The following NCKAP5 variants were observed in gnomAD, a reference collection of about 807,000 sequenced individuals.
NCKAP5 encodes NCK associated protein 5.
Under a neutral mutation model 167.0 loss-of-function variants are expected in NCKAP5, and 92 were observed. That is an observed-to-expected ratio of 0.55 (90% CI 0.47 to 0.66). The LOEUF is 0.66. NCKAP5 is among the 30% of genes least tolerant of loss of function. The probability of loss-of-function intolerance (pLI) is 0.00; values close to 1 mark genes in which losing one functional copy is unlikely to be tolerated. For synonymous variants in NCKAP5, 891 were observed against 877.4 expected (o/e 1.02, Z -0.27); for missense variants, 2,378 against 2,315.0 (o/e 1.03, Z -0.56).
chr2:133,671,571 T>A, the NCKAP5 span, among the ~76,000 whole-genome samples: 2 of 152,112 alleles, frequency 1.3e-5, no homozygotes, highest in Non-Finnish European at 2.9e-5. Flanking sequence ...GGCCCCTCAC[T>A]GTGTGATGCT....
intron 12 of NCKAP5, among the ~76,000 whole-genome samples, chr2:132,791,160 C>T (rs915642300): frequency 6.6e-5 from 10 of 152,202 alleles, no homozygotes; most frequent in Non-Finnish European, 1.0e-4. Context: ...CTACACTTTC[C>T]TCTGGTTCTG....
rs553086329 is a variant in NCKAP5 at position 133,139,243 on chromosome 2, T to A, written c.208-9132A>T. ...GGTCCCTTCCAACTCTCACATTCTA[T>A]ACAGCAATGAAATTAGCCACAACCA... On this transcript the variant is annotated intron_variant, in intron 5 of 19. Coordinates refer to ENST00000409261, the MANE Select transcript of NCKAP5 (RefSeq NM_207363.3). Among the ~76,000 whole-genome samples the A allele has an allele frequency of 5.3e-5, 8 of 152,328 alleles. No homozygotes were observed. In the South Asian group the frequency reaches 8.3e-4, roughly 16 times the overall value.
At chr2:133,064,070 C>T (rs2080104631) in intron 6 of NCKAP5, among the ~76,000 whole-genome samples, 1 of 152,196 alleles carries the variant, frequency 6.6e-6, no homozygotes. Flanking sequence ...TGCTATTTGA[C>T]TTCTCTCCTC....
chr2:133,011,700 T>G (rs1372419448), intron 6 of NCKAP5, among the ~76,000 whole-genome samples: 2 of 152,190 alleles, frequency 1.3e-5, no homozygotes, highest in Non-Finnish European at 2.9e-5. Context: ...TTGAAGCACA[T>G]CAATACAGAA....
chr2:132,724,401 T>G (rs1690241909), intron 19 of NCKAP5, among the ~76,000 whole-genome samples: 1 of 152,278 alleles, frequency 6.6e-6, no homozygotes, highest in South Asian at 2.1e-4. Flanking sequence ...ACTTACTCAA[T>G]AATGAATGGA....
chr2:133,643,131 C>T, the NCKAP5 span, among the ~76,000 whole-genome samples: 1 of 152,088 alleles, frequency 6.6e-6, no homozygotes, highest in African/African-American at 2.4e-5. Context: ...CTGAAACAAA[C>T]TTTATCATTG....
intron 3 of NCKAP5, among the ~76,000 whole-genome samples, chr2:133,460,005 G>C (rs935635184): frequency 6.6e-6 from 1 of 152,066 alleles, no homozygotes; most frequent in Non-Finnish European, 1.5e-5. Flanking sequence ...GATAAAACTC[G>C]CATCAGTTCA....
intron 6 of NCKAP5, among the ~76,000 whole-genome samples, chr2:133,071,133 C>CT (rs1456351005): frequency 1.3e-5 from 2 of 152,152 alleles, no homozygotes; most frequent in Non-Finnish European, 2.9e-5. Flanking sequence ...GAAGCTTCAA[C>CT]TATAGACCAA....
At chr2:133,321,009 C>A (rs369392722) in intron 3 of NCKAP5, among the ~76,000 whole-genome samples, 2 of 152,278 alleles carry the variant, frequency 1.3e-5, no homozygotes, top group African/African-American at 4.8e-5. Flanking sequence ...TCTAGTGCTG[C>A]AGACTAGCCC....
At chr2:133,282,942 C>G (rs983302668) in intron 4 of NCKAP5, among the ~76,000 whole-genome samples, 4 of 152,184 alleles carry the variant, frequency 2.6e-5, no homozygotes, top group Non-Finnish European at 5.9e-5. Context: ...CAATCCTTGA[C>G]TGTTGGACAC....
chr2:133,245,906 A>T (rs1237126654), intron 4 of NCKAP5, among the ~76,000 whole-genome samples: 5 of 151,974 alleles, frequency 3.3e-5, no homozygotes, highest in Non-Finnish European at 5.9e-5. Context: ...GAAAAAAAAA[A>T]AAAAAAAAAT....
At chr2:133,672,294 G>A in the NCKAP5 span, among the ~76,000 whole-genome samples, 1,687 of 152,324 alleles carry the variant, frequency 0.011, 18 homozygotes, top group Admixed American at 0.017. Flanking sequence ...AATGGCACAC[G>A]ATGAGGCTAG....
At chr2:133,360,575 G>A (rs757802793) in intron 3 of NCKAP5, among the ~76,000 whole-genome samples, 7 of 152,134 alleles carry the variant, frequency 4.6e-5, no homozygotes, top group Non-Finnish European at 8.8e-5. Context: ...TATCTGGTAA[G>A]TCTGGACAGC....
At chr2:133,386,955 G>A (rs1264185662) in intron 3 of NCKAP5, among the ~76,000 whole-genome samples, 1 of 152,114 alleles carries the variant, frequency 6.6e-6, no homozygotes, top group African/African-American at 2.4e-5. Flanking sequence ...CACATGAGAT[G>A]GGTTTCCTGA....
At chr2:133,106,165 C>T (rs6731745) in intron 6 of NCKAP5, among the ~76,000 whole-genome samples, 14,557 of 132,312 alleles carry the variant, frequency 0.11, 1,181 homozygotes, top group East Asian at 0.39. Flanking sequence ...TGGTGGCAGG[C>T]GCCTGTAGTC....
At chr2:132,733,475 T>C (rs1188275623) in intron 16 of NCKAP5, among the ~76,000 whole-genome samples, 1 of 152,230 alleles carries the variant, frequency 6.6e-6, no homozygotes, top group Non-Finnish European at 1.5e-5. Context: ...CTTTAGCCTC[T>C]CGAGGTCTAA....
chr2:133,549,288 T>C (rs1488429239), intron 2 of NCKAP5, among the ~76,000 whole-genome samples: 1 of 151,594 alleles, frequency 6.6e-6, no homozygotes, highest in African/African-American at 2.4e-5. Context: ...TGGCAGACTA[T>C]ACATTTTTTT....
intron 6 of NCKAP5, among the ~76,000 whole-genome samples, chr2:133,095,560 A>C (rs1437893): frequency 1.3e-5 from 2 of 152,062 alleles, no homozygotes; most frequent in African/African-American, 4.8e-5. Flanking sequence ...CCCGCATGGC[A>C]GGGGTGCAGC....
chr2:133,534,339 T>C (rs958902116), intron 2 of NCKAP5, among the ~76,000 whole-genome samples: 3 of 152,226 alleles, frequency 2.0e-5, no homozygotes, highest in Admixed American at 1.3e-4. Context: ...TATTGAGGTA[T>C]AACTCATATA....
Sources: gnomAD v4.1 joint callset for allele counts (sites outside exome capture counted in the v4.1 genomes callset) on GRCh38, gnomAD v4.1.1 for gene constraint, MANE v1.5 for transcripts, NCBI Gene and HGNC (gene_info 2026-07-23, HGNC 2026-07-21) for gene names.